The following MYH8 variants were observed in gnomAD, a reference collection of about 807,000 sequenced individuals.
MYH8 encodes myosin heavy chain 8, also known as myosin-8.
Under a neutral mutation model 233.2 loss-of-function variants are expected in MYH8, and 168 were observed. The observed-to-expected ratio is 0.72, with a 90% CI of 0.64 to 0.82. The LOEUF (loss-of-function observed/expected upper bound fraction) is 0.82, where lower values mean the gene tolerates loss of function less well. MYH8 is among the 40% of genes least tolerant of loss of function. MYH8 has a pLI of 0.00. For synonymous variants in MYH8, 785 were observed against 850.6 expected (o/e 0.92, Z 1.34); for missense variants, 1,995 against 2,327.8 (o/e 0.86, Z 2.94).
Position 10,414,254 on chromosome 17 carries a change from C to T in MYH8, c.946G>A (p.Val316Ile), listed in dbSNP as rs780665709. 1.4e-5 allele frequency: 23 copies of T among 1,614,036 alleles called. No individual in the cohort carries two copies. Among genetic ancestry groups the T allele is most frequent in the Middle Eastern group, 1.6e-4 (1 of 6,082 alleles). Reference sequence around the variant, plus strand: ...GGAACTGTGATCTCCCCCTGACTGACGAAGGCATAGTCATATGGGTTGGTG... The same window carrying T: ...GGAACTGTGATCTCCCCCTGACTGATGAAGGCATAGTCATATGGGTTGGTG... Reference protein sequence around the residue: ...ITTNPYDYAFVSQGEITVPSI... With the variant: ...ITTNPYDYAFISQGEITVPSI... Residue 316 changes from valine to isoleucine, a missense_variant, in exon 11 of 40, where the codon GTC becomes ATC. Physicochemically the swap from Val to Ile is conservative, Grantham distance 29. Coordinates refer to ENST00000403437, the MANE Select transcript of MYH8 (RefSeq NM_002472.3).
chr17:10,392,157 T>C (rs2072032005), intron 38 of MYH8, among the ~76,000 whole-genome samples, 180 bp from the exon 39 acceptor site: 1 of 152,222 alleles, frequency 6.6e-6, no homozygotes, highest in Admixed American at 6.5e-5. Context: ...GTGCAGGTAC[T>C]GTATTAGAGA....
rs774307650 is a variant in MYH8, at chr17:10,404,473, C to T, written c.2545G>A (p.Glu849Lys). 25 of 1,613,832 alleles carry T rather than the reference C, an allele frequency of 1.5e-5. No homozygotes were observed. Among genetic ancestry groups the T allele is most frequent in the African/African-American group, 5.3e-5 (4 of 74,876 alleles). ...IKPLLKSAET[E>K]KEMATMKEEF... Reference sequence around the variant, plus strand: ...TCCTTCATGGTGGCCATCTCTTTCTCGGTCTCTGCACTCTTGAGGAGGGGC... The same window carrying T: ...TCCTTCATGGTGGCCATCTCTTTCTTGGTCTCTGCACTCTTGAGGAGGGGC... Residue 849 changes from glutamate (E) to lysine (K), a missense_variant, in exon 22 of 40, where the codon GAG (glutamate) becomes AAG (lysine). Glu to Lys is a moderately conservative substitution (Grantham distance 56). Coordinates refer to ENST00000403437, the MANE Select transcript of MYH8 (RefSeq NM_002472.3).
At chr17:10,395,504 C>T (rs1332253593) in intron 33 of MYH8, 63 bp from the exon 34 acceptor site, 122 of 1,539,316 alleles carry the variant, frequency 7.9e-5, no homozygotes, top group South Asian at 5.6e-5. Flanking sequence ...TATATTCCCT[C>T]GTGAGCCAAA....
At chr17:10,398,992 G>GTATATA (rs147262664) in intron 28 of MYH8, 106 bp from the exon 29 acceptor site, 7 of 439,848 alleles carry the variant, frequency 1.6e-5, no homozygotes, top group African/African-American at 6.6e-5. Flanking sequence ...ATATGTGTGT[G>GTATATA]TGTATATATA....
In MYH8 at chr17:10,399,634, A is replaced by G. The variant is rs1188417392; in HGVS notation, c.3771T>C (p.Asp1257=). The G allele has an allele frequency of 1.9e-6, 3 of 1,614,040 alleles. No homozygotes were observed. The highest frequency in any genetic ancestry group is 1.6e-4 in the Middle Eastern group (1 of 6,066). Residue 1257 remains aspartate (D), a synonymous_variant, in exon 28 of 40, where the codon GAT becomes GAC. Transcript: ENST00000403437. Reference sequence around the variant, plus strand: ...CCTTGGTCTTAAGCTCACTCACTTGATCTTCTAGAGAGCGGCACATCTTTT... The same window carrying G: ...CCTTGGTCTTAAGCTCACTCACTTGGTCTTCTAGAGAGCGGCACATCTTTT... ...NLEKMCRSLE[D]QVSELKTKEE...
chr17:10,391,371 C>T (rs2142165635), intron 39 of MYH8, among the ~76,000 whole-genome samples: 1 of 152,292 alleles, frequency 6.6e-6, no homozygotes, highest in South Asian at 2.1e-4. Flanking sequence ...TCAACCCTTA[C>T]AAATTGCTTA....
At position 10,409,619 on chromosome 17, in the gene MYH8, C is replaced by T. The variant is rs924599284; in HGVS notation, c.1588-31G>A. ...TTCAGAAAAGTAACATTGGTGTCAA[C>T]CTAACTTCTCTCAAAAGATAGAGAC... is the stretch of plus-strand genomic sequence containing the variant. On this transcript the variant is annotated intron_variant, in intron 15 of 39. Coordinates refer to ENST00000403437, the MANE Select transcript of MYH8 (RefSeq NM_002472.3). The T allele has an allele frequency of 2.5e-6, 4 of 1,612,776 alleles. No homozygotes were observed. In the African/African-American group the frequency reaches 4.0e-5, roughly 16 times the overall value.
Position 10,396,826 on chromosome 17 carries a change from T to A in MYH8, c.4339A>T (p.Lys1447Ter). The A allele has an allele frequency of 6.2e-7, 1 of 1,614,218 alleles. No individual in the cohort carries two copies. Among genetic ancestry groups the A allele is most frequent in the Non-Finnish European group, 8.5e-7 (1 of 1,180,032 alleles). ...ACCTTGTCAAAGTTCCTTTGCTTCT[T>A]ATCAAGGGCTGCACAGGCTGCATTA... is the stretch of plus-strand genomic sequence containing the variant. Reference protein sequence around the residue: ...RSNAACAALDKKQRNFDKVLS... With the variant: ...RSNAACAALD Residue 1447 changes from lysine to a stop codon, truncating the protein, a stop_gained, in exon 31 of 40, where the codon AAG (lysine) becomes TAG (stop). Coordinates refer to ENST00000403437, the MANE Select transcript of MYH8 (RefSeq NM_002472.3). LOFTEE classifies it high-confidence loss of function. This position sits in a 1 kb window ranked among gnomAD's most constrained non-coding sequence, Gnocchi z 4.2.
At position 10,395,442 on chromosome 17, in the gene MYH8, C is replaced by T. The variant is rs1054225779; in HGVS notation, c.4654-1G>A. On this transcript the variant is annotated splice_acceptor_variant, in intron 33 of 39. Transcript: ENST00000403437. LOFTEE classifies it high-confidence loss of function. ...TTCCTTCTTCATGTTCAAGAGATGC[C>T]TTAACAAAACAGTGATCAATTAATA... 11 of 1,613,860 alleles carry T rather than the reference C, an allele frequency of 6.8e-6. No homozygotes were observed. Among genetic ancestry groups the T allele is most frequent in the Non-Finnish European group, 9.3e-6 (11 of 1,179,920 alleles).
chr17:10,403,780 GC>G (rs1008357868), intron 22 of MYH8, among the ~76,000 whole-genome samples: 7 of 152,052 alleles, frequency 4.6e-5, no homozygotes, highest in Non-Finnish European at 1.0e-4. Flanking sequence ...CACCCCAACT[GC>G]CCCTCCTTCC....
intron 15 of MYH8, 126 bp from the exon 16 acceptor site, chr17:10,409,714 C>T: frequency 7.6e-7 from 1 of 1,308,892 alleles, no homozygotes; most frequent in South Asian, 1.3e-5. Flanking sequence ...ACCAGGGTCA[C>T]AGCTCGAAGA....
Position 10,409,588 on chromosome 17 carries a change from G to C in MYH8, c.1588C>G (p.Pro530Ala), listed in dbSNP as rs777332782. Reference protein sequence around the residue: ...LAACIELIEKPLGIFSILEEE... With the variant: ...LAACIELIEKALGIFSILEEE... Reference sequence around the variant, plus strand: ...TCCAGGATGGAGAAGATGCCCAGTGGCTGAATTCAGAAAAGTAACATTGGT... The same window carrying C: ...TCCAGGATGGAGAAGATGCCCAGTGCCTGAATTCAGAAAAGTAACATTGGT... The change falls in exon 16 of 40, where the codon CCA (proline) becomes GCA (alanine). Residue 530 changes from proline (P) to alanine (A), a missense_variant and splice_region_variant. Pro to Ala is a conservative substitution (Grantham distance 27, BLOSUM62 -1). Around this residue, in one of 3 missense-constraint regions of MYH8, gnomAD observed 1,498 missense variants for 1,680.9 expected, o/e 0.89. Coordinates refer to ENST00000403437, the MANE Select transcript of MYH8 (RefSeq NM_002472.3). The C allele has an allele frequency of 2.5e-6, 4 of 1,614,122 alleles. No homozygotes were observed. The South Asian group carries it at 4.4e-5, about 18-fold the overall frequency.
chr17:10,395,868 AC>A (rs1470274855), intron 33 of MYH8, among the ~76,000 whole-genome samples: 1 of 152,140 alleles, frequency 6.6e-6, no homozygotes, highest in Non-Finnish European at 1.5e-5. Context: ...CCAAAAGAAA[AC>A]CTAGCTGTTG....
In MYH8 at chr17:10,410,842, C is replaced by T. The variant is rs1402543930; in HGVS notation, c.1522G>A (p.Gly508Ser). The change falls in exon 15 of 40, where the codon GGC becomes AGC. Residue 508 changes from glycine to serine, a missense_variant. Physicochemically the swap from Gly to Ser is moderately conservative, Grantham distance 56 (BLOSUM62 0). Around this residue, in one of 3 missense-constraint regions of MYH8, gnomAD observed 18 missense variants for 46.1 expected, o/e 0.39. Transcript: ENST00000403437. ...VLEQEEYKKE[G>S]IEWTFIDFGM... is the part of the protein sequence containing the mutation. ...AAGTCAATGAACGTCCACTCGATGC[C>T]TTCCTTCTTGTACTCCTCCTGCTCT... The T allele has an allele frequency of 6.2e-7, 1 of 1,613,872 alleles. No individual in the cohort carries two copies. Among genetic ancestry groups the T allele is most frequent in the Non-Finnish European group, 8.5e-7 (1 of 1,179,962 alleles).
At position 10,401,236 on chromosome 17, in the gene MYH8, T is replaced by TA. The variant is rs761167546; in HGVS notation, c.3108+38dup. On this transcript the variant is annotated intron_variant, in intron 24 of 39. Transcript: ENST00000403437. Reference sequence around the variant, plus strand: ...GGTAAAAATTGAAAGTATATATTTTTAAAAAAATCTTTCAAAGGGATATTT... The same window carrying TA: ...GGTAAAAATTGAAAGTATATATTTTTAAAAAAAATCTTTCAAAGGGATATTT... 5.6e-6 allele frequency: 9 copies of TA among 1,613,608 alleles called. No homozygotes were observed. The East Asian group carries it at 6.7e-5, about 12-fold the overall frequency.
chr17:10,420,298 G>T (rs935612464), intron 2 of MYH8, 41 bp from the exon 3 acceptor site: 1 of 1,537,062 alleles, frequency 6.5e-7, no homozygotes, highest in Admixed American at 1.8e-5. Flanking sequence ...ATAAAAAGCA[G>T]AAGTCACAAA....
intron 17 of MYH8, 89 bp from the exon 18 acceptor site, chr17:10,407,068 T>C (rs904841659): frequency 2.1e-6 from 2 of 956,256 alleles, no homozygotes; most frequent in African/African-American, 3.2e-5. Context: ...GACAGTCCTT[T>C]AACTACTAGG....
rs1388160961 is a variant in MYH8, at chr17:10,414,079, GA to G, written c.1009-40del. On this transcript the variant is annotated intron_variant, in intron 11 of 39. Transcript: ENST00000403437. ...TGAGAGGACAAAAGTTAGGGCTGAAGAGACTAACTTATAAGAGAATTTATAC... is the reference window on the plus strand; with the variant it reads ...TGAGAGGACAAAAGTTAGGGCTGAAGGACTAACTTATAAGAGAATTTATAC... 2.5e-6 allele frequency: 4 copies of G among 1,613,242 alleles called. No individual in the cohort carries two copies. The African/African-American group carries it at 5.3e-5, about 22-fold the overall frequency.
Position 10,400,189 on chromosome 17 carries a change from T to A in MYH8, c.3735+201A>T, listed in dbSNP as rs965165010. On this transcript the variant is annotated intron_variant, in intron 27 of 39. Transcript: ENST00000403437. The surrounding 1 kb of genome is among the most constrained non-coding windows in gnomAD (Gnocchi z 4.0). ...CTGCACTTCAGCCTGGGCGACAGAG[T>A]GAGACTCCATCCCCCCGCTCCAAAA... 6.6e-5 allele frequency among the ~76,000 whole-genome samples: 10 copies of A among 151,840 alleles called. No homozygotes were observed. The highest frequency in any genetic ancestry group is 5.9e-5 in the Non-Finnish European group (4 of 67,962).
Sources: gnomAD v4.1 joint callset for allele counts (sites outside exome capture counted in the v4.1 genomes callset) on GRCh38, gnomAD v4.1.1 for gene constraint, gnomAD v4.1.1 regional missense constraint, Gnocchi (gnomAD v3.1) non-coding constraint, MANE v1.5 for transcripts, NCBI Gene and HGNC (gene_info 2026-07-23, HGNC 2026-07-21) for gene names.